Variants in GFPT2 observed in about 807,000 individuals in gnomAD.
The protein encoded by GFPT2 is glutamine--fructose-6-phosphate aminotransferase [isomerizing] 2.
In GFPT2, 62 loss-of-function variants were observed where a neutral mutation model predicts 85.6. The observed-to-expected ratio is 0.72, with a 90% confidence interval of 0.59 to 0.90. The LOEUF is 0.90. GFPT2 is among the 40% of genes least tolerant of loss of function. The pLI is 0.00. For synonymous variants in GFPT2, 368 were observed against 344.5 expected (o/e 1.07, Z -0.75); for missense variants, 788 against 893.4 (o/e 0.88, Z 1.50).
chr5:180,339,096 T>A (rs773207480), intron 1 of GFPT2, among the ~76,000 whole-genome samples: 1 of 151,992 alleles, frequency 6.6e-6, no homozygotes, highest in Non-Finnish European at 1.5e-5. Flanking sequence ...AAGCACTACT[T>A]GAGCCGGGGG....
intron 9 of GFPT2, among the ~76,000 whole-genome samples, chr5:180,321,704 C>T (rs6881795): frequency 6.4e-4 from 97 of 152,376 alleles, no homozygotes; most frequent in African/African-American, 2.3e-3. Flanking sequence ...CTACACTACA[C>T]GCGACAGAAT....
At chr5:180,307,728 C>T (rs1763808026) in intron 15 of GFPT2, among the ~76,000 whole-genome samples, 1 of 152,224 alleles carries the variant, frequency 6.6e-6, no homozygotes, top group South Asian at 2.1e-4. Flanking sequence ...CCTTTACACT[C>T]TTGAAAATTA....
At chr5:180,313,596 AAT>A (rs1403242115) in intron 14 of GFPT2, among the ~76,000 whole-genome samples, 2 of 149,594 alleles carry the variant, frequency 1.3e-5, no homozygotes, top group African/African-American at 4.9e-5. Context: ...TCTCAAAAAA[AAT>A]AAATAAATAA....
Position 180,312,602 on chromosome 5 carries a change from A to G in GFPT2, c.1432-58T>C. 3.2e-6 allele frequency: 3 copies of G among 927,300 alleles called. 1 individual carries two copies. The South Asian group carries it at 4.0e-5, about 12-fold the overall frequency. The allele number at this position is 927,300 out of a possible 1,614,324, so 57.4% of individuals were successfully genotyped here. ...ATTTTCACTTTTTAAATCAACTTTT[A>G]TTTTTGAGACAGGGTCTACTCTGTT... On this transcript the variant is annotated intron_variant, in intron 14 of 18. Coordinates refer to ENST00000253778, the MANE Select transcript of GFPT2 (RefSeq NM_005110.4).
In GFPT2 at chr5:180,335,880, G is replaced by A. The variant is rs766039757; in HGVS notation, c.288C>T (p.His96=). ...FGIAHTRWAT[H]GVPSAVNSHP... is the part of the protein sequence containing the mutation. ...GGCTGTTGACAGCACTGGGGACCCC[G>A]TGGGTGGCCCAGCGCGTGTGGGCAA... Residue 96 remains histidine, a synonymous_variant, in exon 4 of 19, where the codon CAC becomes CAT. Coordinates refer to ENST00000253778, the MANE Select transcript of GFPT2 (RefSeq NM_005110.4). The A allele has an allele frequency of 6.9e-6, 11 of 1,587,874 alleles. No homozygotes were observed. The highest frequency in any genetic ancestry group is 1.7e-4 in the Middle Eastern group (1 of 5,954).
chr5:180,313,843 G>A lies in GFPT2; in HGVS notation c.1395C>T (p.Ile465=). The A allele has an allele frequency of 1.3e-6, 2 of 1,591,752 alleles. No homozygotes were observed. Among genetic ancestry groups the A allele is most frequent in the East Asian group, 2.3e-5 (1 of 44,112 alleles). ...ISRETDCGVH[I]NAGPEIGVAS... ...CCACGCCGATCTCCGGCCCTGCGTTGATGTGGACGCCGCAGTCGGTCTCGC... is the reference window on the plus strand; with the variant it reads ...CCACGCCGATCTCCGGCCCTGCGTTAATGTGGACGCCGCAGTCGGTCTCGC... Residue 465 remains isoleucine, a synonymous_variant, in exon 14 of 19, where the codon ATC becomes ATT. Coordinates refer to ENST00000253778, the MANE Select transcript of GFPT2 (RefSeq NM_005110.4).
intron 15 of GFPT2, among the ~76,000 whole-genome samples, chr5:180,311,751 T>C (rs1763885453): frequency 6.6e-6 from 1 of 151,908 alleles, no homozygotes; most frequent in African/African-American, 2.4e-5. Flanking sequence ...ATGAAAAAAA[T>C]AAACAGGCTA....
At chr5:180,340,045 T>C (rs1283510877) in intron 1 of GFPT2, among the ~76,000 whole-genome samples, 14 of 152,176 alleles carry the variant, frequency 9.2e-5, no homozygotes, top group Non-Finnish European at 1.8e-4. Context: ...CCACAGATGT[T>C]TATTCTCACA....
chr5:180,329,531 T>C (rs952367065), intron 6 of GFPT2, among the ~76,000 whole-genome samples: 12 of 152,276 alleles, frequency 7.9e-5, no homozygotes, highest in African/African-American at 2.4e-4. Flanking sequence ...CACTGTACCT[T>C]ATCCAGCACA....
intron 16 of GFPT2, among the ~76,000 whole-genome samples, chr5:180,306,214 A>C (rs1481762899): frequency 6.6e-6 from 1 of 151,926 alleles, no homozygotes; most frequent in Non-Finnish European, 1.5e-5. Context: ...CGAACTCCTG[A>C]CCTCAAATGA....
chr5:180,332,868 A>G lies in GFPT2; in HGVS notation c.341-1315T>C, dbSNP rs553660242. 2.0e-5 allele frequency among the ~76,000 whole-genome samples: 3 copies of G among 152,068 alleles called. No individual in the cohort carries two copies. In the East Asian group the frequency reaches 5.8e-4, roughly 29 times the overall value. The stretch of plus-strand genomic sequence containing the variant: ...TGACTATTTTTGATCCCTTCTTTGG[A>G]TATCCAACTCAAGTTTTCCTTCAGT... On this transcript the variant is annotated intron_variant, in intron 4 of 18. Coordinates refer to ENST00000253778, the MANE Select transcript of GFPT2 (RefSeq NM_005110.4).
intron 1 of GFPT2, among the ~76,000 whole-genome samples, chr5:180,347,027 G>A (rs1764622516): frequency 6.6e-6 from 1 of 152,218 alleles, no homozygotes; most frequent in African/African-American, 2.4e-5. Flanking sequence ...CCTGGGAGCA[G>A]TCTTATTTCT....
intron 15 of GFPT2, among the ~76,000 whole-genome samples, chr5:180,308,548 G>C (rs12518499): frequency 2.6e-5 from 4 of 151,946 alleles, no homozygotes; most frequent in Non-Finnish European, 5.9e-5. Context: ...TTGGAAAAGC[G>C]AGGAGTATTT....
intron 17 of GFPT2, among the ~76,000 whole-genome samples, 189 bp from the exon 18 acceptor site, chr5:180,302,773 G>C (rs1037333476): frequency 6.6e-6 from 1 of 152,142 alleles, no homozygotes; most frequent in African/African-American, 2.4e-5. Flanking sequence ...GATGCTTTTT[G>C]GGGGTTTCTT....
At chr5:180,336,627 A>G (rs1371163462) in intron 2 of GFPT2, 50 bp from the exon 3 acceptor site, 1 of 1,214,212 alleles carries the variant, frequency 8.2e-7, no homozygotes, top group African/African-American at 1.5e-5. Flanking sequence ...TTTTTCTCAC[A>G]CACTTGGCAC....
At position 180,302,364 on chromosome 5, in the gene GFPT2, A is replaced by G. The variant is rs1316025096; in HGVS notation, c.2004+59T>C. ...TTTACTCCAAGTATTTAAAGAACAGAAAGGAACTCTGGGGTTATGTCTCTC... is the reference window on the plus strand; with the variant it reads ...TTTACTCCAAGTATTTAAAGAACAGGAAGGAACTCTGGGGTTATGTCTCTC... On this transcript the variant is annotated intron_variant, in intron 18 of 18. Transcript: ENST00000253778. 2.3e-6 allele frequency: 3 copies of G among 1,300,212 alleles called. No individual in the cohort carries two copies. In the East Asian group the frequency reaches 7.0e-5, roughly 30 times the overall value. 80.5% of individuals were successfully genotyped at this position (1,300,212 alleles called of 1,614,324 possible).
chr5:180,338,289 C>T (rs1179740726), intron 2 of GFPT2, among the ~76,000 whole-genome samples: 1 of 152,106 alleles, frequency 6.6e-6, no homozygotes, highest in African/African-American at 2.4e-5. Flanking sequence ...AGGGGGTTTT[C>T]TGGGGTTTTT....
rs549710931 is a variant in GFPT2 at position 180,332,125 on chromosome 5, C to G, written c.341-572G>C. On this transcript the variant is annotated intron_variant, in intron 4 of 18. Transcript: ENST00000253778. ...CAGGCTCAGCCACATTCCTGCACAG[C>G]AGGATCTGCCAGCTGCAGCTTTTCC... Among the ~76,000 whole-genome samples, 4 of 152,320 alleles carry G rather than the reference C, an allele frequency of 2.6e-5. No homozygotes were observed. The South Asian group carries it at 8.3e-4, about 32-fold the overall frequency.
chr5:180,348,394 G>A (rs1764650512), intron 1 of GFPT2, among the ~76,000 whole-genome samples: 1 of 152,260 alleles, frequency 6.6e-6, no homozygotes, highest in South Asian at 2.1e-4. Flanking sequence ...CTGAGGAGCT[G>A]TGGCCTCTCA....
Sources: allele counts gnomAD v4.1 joint callset (sites outside exome capture counted in the v4.1 genomes callset), GRCh38; gene constraint gnomAD v4.1.1; transcripts MANE v1.5; gene names NCBI Gene and HGNC (gene_info 2026-07-23, HGNC 2026-07-21).